PTPN2: variants seen among roughly 807,000 people sequenced by gnomAD.
PTPN2 encodes the protein tyrosine-protein phosphatase non-receptor type 2.
In PTPN2, 19 loss-of-function variants were observed where a neutral mutation model predicts 57.3. The observed-to-expected ratio is 0.33, with a 90% CI of 0.23 to 0.49. The LOEUF is 0.49. PTPN2 is among the 20% of genes least tolerant of loss of function. The pLI, the probability that PTPN2 is intolerant of heterozygous loss-of-function variation, is 0.99. For synonymous variants in PTPN2, 153 were observed against 164.9 expected (o/e 0.93, Z 0.55); for missense variants, 358 against 501.1 (o/e 0.71, Z 2.73).
At chr18:12,877,887 T>C (rs1293189731) in intron 1 of PTPN2, among the ~76,000 whole-genome samples, 2 of 151,878 alleles carry the variant, frequency 1.3e-5, no homozygotes, top group African/African-American at 2.4e-5. Flanking sequence ...GGCGGGCGCC[T>C]GTAGTGTTGG....
chr18:12,801,798 G>T, intron 8 of PTPN2, 172 bp downstream of exon 8: 1 of 656,744 alleles, frequency 1.5e-6, no homozygotes, highest in Non-Finnish European at 2.6e-6. Context: ...CAAACTCCTA[G>T]ACTCAAGTGA....
chr18:12,815,126 AAATAAAT>A (rs1474579191), intron 6 of PTPN2, among the ~76,000 whole-genome samples: 7 of 149,920 alleles, frequency 4.7e-5, no homozygotes, highest in South Asian at 2.1e-4. Context: ...ATAAATAAAT[AAATAAAT>A]AAAAATGTGG....
At chr18:12,867,029 C>CAA (rs71174146) in intron 1 of PTPN2, among the ~76,000 whole-genome samples, 8 of 133,344 alleles carry the variant, frequency 6.0e-5, no homozygotes, top group African/African-American at 1.6e-4. Flanking sequence ...AACAAACAAA[C>CAA]AAAAAAAAAA....
intron 5 of PTPN2, among the ~76,000 whole-genome samples, chr18:12,821,678 C>G (rs139995928): frequency 9.2e-5 from 14 of 152,116 alleles, no homozygotes; most frequent in Admixed American, 2.0e-4. Context: ...ATGCCACCCA[C>G]CCCCACCAAG....
intron 5 of PTPN2, chr18:12,818,939 C>T (rs552175279): frequency 7.4e-4 from 133 of 179,618 alleles, no homozygotes; most frequent in Non-Finnish European, 1.3e-3. Flanking sequence ...ACTAAAAATA[C>T]AAACCTTATC....
chr18:12,845,602 C>T (rs1374918928), intron 2 of PTPN2, among the ~76,000 whole-genome samples: 3 of 152,196 alleles, frequency 2.0e-5, no homozygotes, highest in Non-Finnish European at 4.4e-5. Context: ...TCTTTGCAAT[C>T]TTCTACATGT....
At position 12,859,151 on chromosome 18, in the gene PTPN2, C is replaced by T; in HGVS notation, c.160+13G>A. 1 of 1,605,578 alleles carries T rather than the reference C, an allele frequency of 6.2e-7. No homozygotes were observed. The highest frequency in any genetic ancestry group is 8.5e-7 in the Non-Finnish European group (1 of 1,173,222). ...CAAAAAATACACATGCACACAAACC[C>T]ACAAGTACTTACATGGGCTTACATC... is the stretch of plus-strand genomic sequence containing the variant. On this transcript the variant is annotated intron_variant, in intron 2 of 8. Transcript: ENST00000309660.
intron 3 of PTPN2, among the ~76,000 whole-genome samples, chr18:12,831,508 A>G (rs528434159): frequency 6.6e-6 from 1 of 152,350 alleles, no homozygotes; most frequent in South Asian, 2.1e-4. Context: ...GAGTAGGAGT[A>G]TCTGACTGAT....
downstream of PTPN2, among the ~76,000 whole-genome samples, chr18:12,789,563 T>C (rs1373714914): frequency 1.3e-5 from 2 of 152,256 alleles, no homozygotes; most frequent in Non-Finnish European, 2.9e-5. Flanking sequence ...TGCTATGCAC[T>C]GTGCGTCCAG....
intron 3 of PTPN2, among the ~76,000 whole-genome samples, chr18:12,834,282 G>T (rs2042771689): frequency 6.8e-6 from 1 of 146,856 alleles, no homozygotes; most frequent in Non-Finnish European, 1.5e-5. Context: ...AGCTGAGATT[G>T]CATCACTGCA....
At chr18:12,860,653 T>C (rs1196585994) in intron 1 of PTPN2, among the ~76,000 whole-genome samples, 1 of 152,118 alleles carries the variant, frequency 6.6e-6, no homozygotes, top group Non-Finnish European at 1.5e-5. Context: ...TCCCAGCTAC[T>C]CAGGAGGCTG....
intron 2 of PTPN2, among the ~76,000 whole-genome samples, chr18:12,856,183 A>G (rs1159212485): frequency 6.6e-6 from 1 of 152,152 alleles, no homozygotes; most frequent in Non-Finnish European, 1.5e-5. Context: ...TGGGAAGGAG[A>G]GGGTAAGGAG....
At chr18:12,834,625 A>C (rs954553998) in intron 3 of PTPN2, among the ~76,000 whole-genome samples, 2 of 152,116 alleles carry the variant, frequency 1.3e-5, no homozygotes, top group African/African-American at 4.8e-5. Context: ...TGCTGGCACC[A>C]AGATTCCAGC....
chr18:12,858,445 C>T (rs558101044), intron 2 of PTPN2, among the ~76,000 whole-genome samples: 2 of 152,290 alleles, frequency 1.3e-5, no homozygotes, highest in African/African-American at 4.8e-5. Context: ...ATTGTTCACA[C>T]AATTGTGTGC....
At chr18:12,809,277 C>A (rs8084006) in intron 7 of PTPN2, among the ~76,000 whole-genome samples, 23,024 of 152,148 alleles carry the variant, frequency 0.15, 1,948 homozygotes, top group African/African-American at 0.21. Context: ...GCATGTGAAG[C>A]GCCCAGCATC....
At chr18:12,830,473 C>A (rs1015059438) in intron 4 of PTPN2, among the ~76,000 whole-genome samples, 4 of 152,096 alleles carry the variant, frequency 2.6e-5, no homozygotes, top group Non-Finnish European at 5.9e-5. Context: ...TCAGGAAAAA[C>A]CCCTGTAAAT....
rs191952053 is a variant in PTPN2, at chr18:12,801,829, A to G, written c.1040+141T>C. 2.5e-3 allele frequency: 2,153 copies of G among 846,850 alleles called. 37 individuals carry two copies. The African/African-American group carries it at 0.034, about 13-fold the overall frequency. The allele number at this position is 846,850 out of a possible 1,614,324, so 52.5% of individuals were successfully genotyped here. ...AGTGATCTTCCCTCCTTGGCCTCCC[A>G]AAGTGTTGAGATTACAGGCGTGATT... On this transcript the variant is annotated intron_variant, in intron 8 of 8. Coordinates refer to ENST00000309660, the MANE Select transcript of PTPN2 (RefSeq NM_002828.4).
intron 1 of PTPN2, among the ~76,000 whole-genome samples, chr18:12,874,186 C>G (rs2044382997): frequency 6.6e-6 from 1 of 151,486 alleles, no homozygotes; most frequent in African/African-American, 2.4e-5. Context: ...GCGAGCCGCC[C>G]CATCTGGGAG....
chr18:12,840,783 A>G (rs757258131), intron 2 of PTPN2: 6 of 1,598,254 alleles, frequency 3.8e-6, no homozygotes, highest in Non-Finnish European at 5.1e-6. Context: ...TCCTTTCCAT[A>G]CATCCTAAAT....
Sources: gnomAD v4.1 joint callset for allele counts (sites outside exome capture counted in the v4.1 genomes callset) on GRCh38, gnomAD v4.1.1 for gene constraint, MANE v1.5 for transcripts, NCBI Gene and HGNC (gene_info 2026-07-23, HGNC 2026-07-21) for gene names.